Variants in STOX1 observed in about 807,000 individuals in gnomAD.
STOX1 encodes the protein storkhead-box protein 1.
In STOX1, 57 loss-of-function variants were observed where a neutral mutation model predicts 74.8. The ratio of observed to expected loss-of-function variants is 0.76; its 90% CI spans 0.62 to 0.95. The LOEUF (loss-of-function observed/expected upper bound fraction) is 0.95, where lower values mean the gene tolerates loss of function less well. STOX1 is among the 40% of genes least tolerant of loss of function. The pLI, the probability that STOX1 is intolerant of heterozygous loss-of-function variation, is 0.00. For missense variants in STOX1, 1,010 were observed against 1,117.0 expected, an observed-to-expected ratio of 0.90 and a Z score of 1.37; for synonymous variants, 375 against 401.3, an observed-to-expected ratio of 0.93 and a Z score of 0.78.
intron 1 of STOX1, among the ~76,000 whole-genome samples, chr10:68,867,927 C>T (rs971071157): frequency 5.9e-5 from 9 of 152,390 alleles, no homozygotes; most frequent in African/African-American, 2.2e-4. Flanking sequence ...TGAGGAGCTG[C>T]TGAAGCAGAC....
intron 1 of STOX1, among the ~76,000 whole-genome samples, chr10:68,852,019 A>G (rs1839998125): frequency 6.6e-6 from 1 of 152,082 alleles, no homozygotes; most frequent in South Asian, 2.1e-4. Context: ...CTGTAATGCC[A>G]GCTACTTGGG....
In STOX1 at chr10:68,892,635, A is replaced by C; in HGVS notation, c.2869A>C (p.Lys957Gln). 1 of 1,613,714 alleles carries C rather than the reference A, an allele frequency of 6.2e-7. No homozygotes were observed. Residue 957 changes from lysine to glutamine, a missense_variant, in exon 4 of 4, where the codon AAA becomes CAA. Physicochemically the swap from Lys to Gln is moderately conservative, Grantham distance 53 (BLOSUM62 1). Coordinates refer to ENST00000298596, the MANE Select transcript of STOX1 (RefSeq NM_152709.5). ...TAATTCAGTCATTTTGGATGGACTAAAAAGAAGACAGAATTTTCTGCAAAA... is the reference window on the plus strand; with the variant it reads ...TAATTCAGTCATTTTGGATGGACTACAAAGAAGACAGAATTTTCTGCAAAA... ...SNNSVILDGLKRRQNFLQNVE... is the reference protein window; with the variant it reads ...SNNSVILDGLQRRQNFLQNVE...
At chr10:68,894,667 A>AG (rs760088078), downstream of STOX1, among the ~76,000 whole-genome samples, 4 of 152,180 alleles carry the variant, frequency 2.6e-5, no homozygotes, top group Non-Finnish European at 5.9e-5. Flanking sequence ...GTATAGTTTT[A>AG]GGGGGGTCTC....
intron 1 of STOX1, among the ~76,000 whole-genome samples, chr10:68,857,317 G>T (rs1194293124): frequency 1.3e-5 from 2 of 152,004 alleles, no homozygotes; most frequent in Non-Finnish European, 2.9e-5. Context: ...GGAGAAAAAG[G>T]CAACTGCTTC....
chr10:68,873,979 T>TGA (rs1840612906), intron 1 of STOX1, among the ~76,000 whole-genome samples: 1 of 144,990 alleles, frequency 6.9e-6, no homozygotes, highest in African/African-American at 2.6e-5. Flanking sequence ...TTTTTAATCC[T>TGA]GAGTTTAAGA....
intron 1 of STOX1, among the ~76,000 whole-genome samples, chr10:68,831,297 C>T (rs1027300841): frequency 6.6e-6 from 1 of 152,104 alleles, no homozygotes; most frequent in African/African-American, 2.4e-5. Flanking sequence ...ATGCAATTCT[C>T]CTGCCTCAGC....
intron 2 of STOX1, among the ~76,000 whole-genome samples, chr10:68,883,575 T>A (rs1413772155): frequency 6.6e-6 from 1 of 151,724 alleles, no homozygotes; most frequent in East Asian, 1.9e-4. Flanking sequence ...CACCATGCCC[T>A]GCTAATTTTT....
rs564697774 is a variant in STOX1, at chr10:68,857,244, G to A, written c.311-24714G>A. On this transcript the variant is annotated intron_variant, in intron 1 of 3. Transcript: ENST00000298596. ...ATGAAAGATGGAAAAATCTCCAGCC[G>A]TAGTGGTCAGACACTTCATAGGTGA... is the stretch of plus-strand genomic sequence containing the variant. Among the ~76,000 whole-genome samples, 35 of 151,874 alleles carry A rather than the reference G, an allele frequency of 2.3e-4. No homozygotes were observed. The South Asian group carries it at 4.8e-3, about 21-fold the overall frequency.
At chr10:68,882,203 CT>C (rs1409228110) in intron 2 of STOX1, 93 bp downstream of exon 2, 5 of 1,233,008 alleles carry the variant, frequency 4.1e-6, no homozygotes, top group Non-Finnish European at 4.8e-6. Flanking sequence ...GGGTGATATC[CT>C]TTTTTCCCCT....
In STOX1 at chr10:68,861,717, T is replaced by TA. The variant is rs376931130; in HGVS notation, c.311-20240dup. Among the ~76,000 whole-genome samples the TA allele has an allele frequency of 2.6e-3, 395 of 152,252 alleles. 6 individuals carry two copies. The highest frequency in any genetic ancestry group is 9.1e-3 in the African/African-American group (379 of 41,484). ...AAATCACAGAGCCTCCAAGTGTTTTTATCCATTTGGAAGGATTTATGGCTG... is the reference window on the plus strand; with the variant it reads ...AAATCACAGAGCCTCCAAGTGTTTTTAATCCATTTGGAAGGATTTATGGCTG... On this transcript the variant is annotated intron_variant, in intron 1 of 3. Coordinates refer to ENST00000298596, the MANE Select transcript of STOX1 (RefSeq NM_152709.5).
chr10:68,867,192 G>A (rs891847118), intron 1 of STOX1, among the ~76,000 whole-genome samples: 3 of 151,980 alleles, frequency 2.0e-5, no homozygotes, highest in East Asian at 1.9e-4. Flanking sequence ...TGATCCGCCC[G>A]CCTCAGCCTC....
rs1007987547 is a variant in STOX1 at position 68,847,639 on chromosome 10, A to G, written c.310+19706A>G. On this transcript the variant is annotated intron_variant, in intron 1 of 3. Transcript: ENST00000298596. ...TGGCTGGGCTCATCTCGAATTCCTG[A>G]CCTCAAGTGATCCACCTGCCTCGGC... Among the ~76,000 whole-genome samples the G allele has an allele frequency of 2.2e-4, 33 of 151,346 alleles. 1 individual carries two copies. Among genetic ancestry groups the G allele is most frequent in the Admixed American group, 2.0e-3 (31 of 15,152 alleles).
At position 68,878,388 on chromosome 10, in the gene STOX1, A is replaced by T. The variant is rs140342812; in HGVS notation, c.311-3570A>T. Among the ~76,000 whole-genome samples the T allele has an allele frequency of 5.8e-4, 88 of 152,248 alleles. No individual in the cohort carries two copies. The East Asian group carries it at 0.016, about 27-fold the overall frequency. ...AAGTTGAGTTTCAAGGAGGATTTTG[A>T]GTTTTAGGTAAATTAATGCCCCGCT... On this transcript the variant is annotated intron_variant, in intron 1 of 3. Transcript: ENST00000298596.
At chr10:68,875,137 G>C (rs771769412) in intron 1 of STOX1, among the ~76,000 whole-genome samples, 1 of 152,200 alleles carries the variant, frequency 6.6e-6, no homozygotes, top group South Asian at 2.1e-4. Flanking sequence ...GTTGCCCTGT[G>C]TCAGACCTTC....
chr10:68,866,276 T>A lies in STOX1; in HGVS notation c.311-15682T>A, dbSNP rs1268607296. On this transcript the variant is annotated intron_variant, in intron 1 of 3. Coordinates refer to ENST00000298596, the MANE Select transcript of STOX1 (RefSeq NM_152709.5). Reference sequence around the variant, plus strand: ...CTTCAGGGGCTTTACCAACTCCAACTATGTTAAATTGAGTGGGTTGAACTG... The same window carrying A: ...CTTCAGGGGCTTTACCAACTCCAACAATGTTAAATTGAGTGGGTTGAACTG... 2.0e-5 allele frequency among the ~76,000 whole-genome samples: 3 copies of A among 152,258 alleles called. No individual in the cohort carries two copies. In the East Asian group the frequency reaches 5.8e-4, roughly 29 times the overall value.
At chr10:68,889,408 C>T (rs1213516283) in intron 3 of STOX1, among the ~76,000 whole-genome samples, 2 of 152,136 alleles carry the variant, frequency 1.3e-5, no homozygotes, top group Non-Finnish European at 2.9e-5. Context: ...ATCCTCTTGC[C>T]TTGGCCTCCC....
At chr10:68,894,944 G>T (rs1269408511), downstream of STOX1, among the ~76,000 whole-genome samples, 1 of 152,148 alleles carries the variant, frequency 6.6e-6, no homozygotes, top group Non-Finnish European at 1.5e-5. Context: ...GGCTGATCTT[G>T]AACTTCTGTC....
chr10:68,850,619 G>A (rs1378007052), intron 1 of STOX1, among the ~76,000 whole-genome samples: 2 of 152,226 alleles, frequency 1.3e-5, no homozygotes, highest in East Asian at 3.8e-4. Flanking sequence ...ATTTCCCAAA[G>A]TGTGGCATGT....
chr10:68,845,936 G>A (rs957099907), intron 1 of STOX1, among the ~76,000 whole-genome samples: 1 of 150,974 alleles, frequency 6.6e-6, no homozygotes, highest in Non-Finnish European at 1.5e-5. Context: ...ATGGGATTTC[G>A]CCATATTGCC....
Sources: gnomAD v4.1 joint callset for allele counts (sites outside exome capture counted in the v4.1 genomes callset) on GRCh38, gnomAD v4.1.1 for gene constraint, MANE v1.5 for transcripts, NCBI Gene and HGNC (gene_info 2026-07-23, HGNC 2026-07-21) for gene names.